PCDHGB2: variants seen among roughly 807,000 people sequenced by gnomAD.
PCDHGB2 encodes the protein protocadherin gamma subfamily B, 2.
In PCDHGB2, 55 loss-of-function variants were observed where a neutral mutation model predicts 59.3. The observed-to-expected ratio is 0.93, with a 90% confidence interval of 0.75 to 1.16. PCDHGB2 has a LOEUF of 1.16. Ranked by LOEUF, PCDHGB2 falls within the 50% of genes most tolerant of loss-of-function variation. The pLI is 0.00. For missense variants in PCDHGB2, 1,228 were observed against 1,198.5 expected, an observed-to-expected ratio of 1.02 and a Z score of -0.36; for synonymous variants, 516 against 512.0, an observed-to-expected ratio of 1.01 and a Z score of -0.11.
intron 1 of PCDHGB2, chr5:141,478,782 T>C: frequency 6.7e-7 from 1 of 1,485,212 alleles, no homozygotes. Context: ...GTGGACCTAA[T>C]TCACATCCTC....
At chr5:141,408,838 G>A in intron 1 of PCDHGB2, 1 of 1,613,588 alleles carries the variant, frequency 6.2e-7, no homozygotes, top group African/African-American at 1.3e-5. Flanking sequence ...GCTTGATATT[G>A]ACTGCCTTGG....
chr5:141,362,432 A>T lies in PCDHGB2; in HGVS notation c.2297A>T (p.Asn766Ile). The change falls in exon 1 of 4, where the codon AAT becomes ATT. Residue 766 changes from asparagine to isoleucine, a missense_variant. Physicochemically the swap from Asn to Ile is moderately radical, Grantham distance 149. Coordinates refer to ENST00000522605, the MANE Select transcript of PCDHGB2 (RefSeq NM_018923.3). The stretch of plus-strand genomic sequence containing the variant: ...TCACAATCAGCCAAGACAGAGTTCA[A>T]TTTTCTGAACATAACCCCGGAATTG... ...VASQSAKTEF[N>I]FLNITPELVP... The T allele has an allele frequency of 6.2e-7, 1 of 1,613,924 alleles. No homozygotes were observed. Among genetic ancestry groups the T allele is most frequent in the South Asian group, 1.1e-5 (1 of 91,074 alleles).
chr5:141,388,408 G>A (rs2091351933), intron 1 of PCDHGB2: 1 of 1,613,848 alleles, frequency 6.2e-7, no homozygotes, highest in African/African-American at 1.3e-5. Context: ...CTCAGTCCCA[G>A]TGATCATTTC....
chr5:141,497,413 T>C (rs572922456), intron 2 of PCDHGB2, among the ~76,000 whole-genome samples: 8 of 152,046 alleles, frequency 5.3e-5, no homozygotes, highest in Admixed American at 5.2e-4. Context: ...TCCCATTCCA[T>C]CAAATGAGAG....
intron 3 of PCDHGB2, among the ~76,000 whole-genome samples, chr5:141,509,335 G>C (rs113423267): frequency 6.6e-6 from 1 of 152,144 alleles, no homozygotes; most frequent in African/African-American, 2.4e-5. Context: ...CTGCCAGCTG[G>C]GCCTGGGCTG....
intron 1 of PCDHGB2, chr5:141,403,705 C>T: frequency 6.2e-7 from 1 of 1,613,894 alleles, no homozygotes; most frequent in Non-Finnish European, 8.5e-7. Context: ...GAGTTAAAGT[C>T]CTTGAGAACG....
At chr5:141,468,697 T>A (rs2099174099) in intron 1 of PCDHGB2, 1 of 151,646 alleles carries the variant, frequency 6.6e-6, no homozygotes, top group Non-Finnish European at 1.5e-5. Context: ...AAACCCCGTC[T>A]CTACTAAAAA....
intron 1 of PCDHGB2, chr5:141,404,062 T>G: frequency 6.2e-7 from 1 of 1,613,906 alleles, no homozygotes; most frequent in African/African-American, 1.3e-5. Flanking sequence ...TTCTTTTCAA[T>G]GCTCATGACC....
chr5:141,403,703 G>A (rs747321937), intron 1 of PCDHGB2: 5 of 1,613,946 alleles, frequency 3.1e-6, no homozygotes, highest in Non-Finnish European at 4.2e-6. Context: ...CCGAGTTAAA[G>A]TCCTTGAGAA....
At chr5:141,388,706 TGCC>T (rs2091460898) in intron 1 of PCDHGB2, 2 of 1,613,856 alleles carry the variant, frequency 1.2e-6, no homozygotes, top group Non-Finnish European at 1.7e-6. Flanking sequence ...AGGGTGTCAA[TGCC>T]GAGATTACTT....
At position 141,361,121 on chromosome 5, in the gene PCDHGB2, C is replaced by T; in HGVS notation, c.986C>T (p.Ala329Val). The change falls in exon 1 of 4, where the codon GCC becomes GTC. Residue 329 changes from alanine to valine, a missense_variant. Physicochemically the swap from Ala to Val is moderately conservative, Grantham distance 64 (BLOSUM62 0). Coordinates refer to ENST00000522605, the MANE Select transcript of PCDHGB2 (RefSeq NM_018923.3). ...IEAKDPGDLA[A>V]HCSIQVEILD... ...GCAAAAGATCCTGGAGATCTAGCAG[C>T]CCACTGCAGTATCCAAGTTGAAATT... 6.2e-7 allele frequency: 1 copy of T among 1,613,950 alleles called. No individual in the cohort carries two copies. The highest frequency in any genetic ancestry group is 8.5e-7 in the Non-Finnish European group (1 of 1,179,886).
At chr5:141,463,075 A>G (rs943294678) in intron 1 of PCDHGB2, among the ~76,000 whole-genome samples, 3 of 152,180 alleles carry the variant, frequency 2.0e-5, no homozygotes, top group East Asian at 1.9e-4. Context: ...ATGAAATTCA[A>G]ACATTTTCCA....
chr5:141,442,343 G>A (rs1300318674), intron 1 of PCDHGB2: 1 of 152,336 alleles, frequency 6.6e-6, no homozygotes, highest in African/African-American at 2.4e-5. Context: ...CAGGTTTCTG[G>A]GTAACTGTAG....
intron 1 of PCDHGB2, among the ~76,000 whole-genome samples, chr5:141,380,852 C>A (rs1429709070): frequency 6.6e-6 from 1 of 152,182 alleles, no homozygotes; most frequent in Non-Finnish European, 1.5e-5. Context: ...TGGATCAAGA[C>A]ATTGAGAGCT....
chr5:141,360,233 TC>T lies in PCDHGB2; in HGVS notation c.100del (p.Arg34AlafsTer14). The T allele has an allele frequency of 6.2e-7, 1 of 1,613,862 alleles. No homozygotes were observed. The highest frequency in any genetic ancestry group is 8.5e-7 in the Non-Finnish European group (1 of 1,179,840). On this transcript the variant is annotated frameshift_variant, in exon 1 of 4. Transcript: ENST00000522605. LOFTEE classifies it high-confidence loss of function. ...SLFPGALPVQIRYSIPEELAK... is the reference protein window; with the variant it reads ...SLFPGALPVQXRYSIPEELAK... Reference sequence around the variant, plus strand: ...TTCCCCGGGGCTCTCCCAGTCCAGATCCGCTATTCAATTCCAGAGGAGCTGG... The same window carrying T: ...TTCCCCGGGGCTCTCCCAGTCCAGATCGCTATTCAATTCCAGAGGAGCTGG...
In PCDHGB2 at chr5:141,431,797, A is replaced by T. The variant is rs754056771; in HGVS notation, c.2422-63010A>T. 6.2e-7 allele frequency: 1 copy of T among 1,614,256 alleles called. No homozygotes were observed. The highest frequency in any genetic ancestry group is 2.2e-5 in the East Asian group (1 of 44,882). ...TGGACGTGAACGACAATGCCCCAGAAGTGGTCCTCACCTCTCTCGCCAGCT... is the reference window on the plus strand; with the variant it reads ...TGGACGTGAACGACAATGCCCCAGATGTGGTCCTCACCTCTCTCGCCAGCT... On this transcript the variant is annotated intron_variant, in intron 1 of 3. Coordinates refer to ENST00000522605, the MANE Select transcript of PCDHGB2 (RefSeq NM_018923.3). This position sits in a 1 kb window ranked among gnomAD's most constrained non-coding sequence, Gnocchi z 4.8.
Position 141,393,179 on chromosome 5 carries a change from A to T in PCDHGB2, c.2421+30623A>T, listed in dbSNP as rs375085176. 8.7e-6 allele frequency: 14 copies of T among 1,613,202 alleles called. 2 individuals are homozygous for T. In the East Asian group the frequency reaches 2.5e-4, roughly 28 times the overall value. ...GAAAACTCTTTGGGGTAGAAATAGA[A>T]ATAATTGATATTAACGATAATAACC... On this transcript the variant is annotated intron_variant, in intron 1 of 3. Coordinates refer to ENST00000522605, the MANE Select transcript of PCDHGB2 (RefSeq NM_018923.3).
At chr5:141,372,565 A>T (rs1005971734) in intron 1 of PCDHGB2, 4 of 1,614,038 alleles carry the variant, frequency 2.5e-6, no homozygotes, top group Non-Finnish European at 3.4e-6. Context: ...CCCGCCACTG[A>T]GGGCTACTTT....
intron 1 of PCDHGB2, chr5:141,370,178 C>T (rs1214381916): frequency 2.6e-5 from 12 of 463,756 alleles, no homozygotes; most frequent in Non-Finnish European, 4.5e-5. Context: ...CGCCGGGTGC[C>T]GCTCTTGGCT....
Sources: allele counts gnomAD v4.1 joint callset (sites outside exome capture counted in the v4.1 genomes callset), GRCh38; gene constraint gnomAD v4.1.1; non-coding constraint Gnocchi (gnomAD v3.1); transcripts MANE v1.5; gene names NCBI Gene and HGNC (gene_info 2026-07-23, HGNC 2026-07-21).